Variants in TMEM213 observed in about 807,000 individuals in gnomAD.
TMEM213 encodes transmembrane protein 213.
Under a neutral mutation model 11.6 loss-of-function variants are expected in TMEM213, and 7 were observed. The ratio of observed to expected loss-of-function variants is 0.60; its 90% CI spans 0.34 to 1.13. The LOEUF (loss-of-function observed/expected upper bound fraction) is 1.13, where lower values mean the gene tolerates loss of function less well. Ranked by LOEUF, TMEM213 falls within the 50% of genes most tolerant of loss-of-function variation. The pLI is 0.03. For synonymous variants in TMEM213, 60 were observed against 58.3 expected, an observed-to-expected ratio of 1.03 and a Z score of -0.13; for missense variants, 129 against 139.0, an observed-to-expected ratio of 0.93 and a Z score of 0.36.
rs147124449 is a variant in TMEM213 at position 138,804,636 on chromosome 7, T to G, written c.*1567T>G. 5 of 152,342 alleles carry G rather than the reference T, an allele frequency of 3.3e-5. No homozygotes were observed. Among genetic ancestry groups the G allele is most frequent in the South Asian group, 4.1e-4 (2 of 4,826 alleles). The allele number at this position is 152,342 out of a possible 1,614,324, so 9.4% of individuals were successfully genotyped here. On this transcript the variant is annotated 3_prime_UTR_variant, in exon 3 of 3. Coordinates refer to ENST00000442682, the MANE Select transcript of TMEM213 (RefSeq NM_001085429.2). ...GTGCATGGGTGAATTAATGAATGAATGAACAAATGAGTCTTTGCCCTAGAC... is the reference window on the plus strand; with the variant it reads ...GTGCATGGGTGAATTAATGAATGAAGGAACAAATGAGTCTTTGCCCTAGAC...
chr7:138,799,661 GAAATGAAAGTC>G (rs1469413469), intron 1 of TMEM213: 2 of 152,164 alleles, frequency 1.3e-5, no homozygotes, highest in African/African-American at 4.8e-5. Context: ...GTGTAGAGGT[GAAATGAAAGTC>G]AGGGCCAAGG....
intron 2 of TMEM213, 135 bp from the exon 3 acceptor site, chr7:138,802,765 C>A: frequency 1.2e-6 from 1 of 868,118 alleles, no homozygotes; most frequent in Non-Finnish European, 1.6e-6. Context: ...AAGCACGCAG[C>A]ACAGTGCATG....
rs1454337886 is a variant in TMEM213 at position 138,806,205 on chromosome 7, A to C, written c.*3136A>C. The C allele has an allele frequency of 6.6e-6, 1 of 152,226 alleles. No homozygotes were observed. The highest frequency in any genetic ancestry group is 1.5e-5 in the Non-Finnish European group (1 of 68,054). 9.4% of individuals were successfully genotyped at this position (152,226 alleles called of 1,614,324 possible). On this transcript the variant is annotated 3_prime_UTR_variant, in exon 3 of 3. Transcript: ENST00000442682. ...ACAGCAGACCAGATCTTTATCTGTC[A>C]ATAAGTTAAAAAAGATAATCTGGGC...
In TMEM213 at chr7:138,803,012, C is replaced by G. The variant is rs909060875; in HGVS notation, c.267C>G (p.Leu89=). ...TCTGGTTCCTCACCCTCATCCTGCT[C>G]TGTGTGGACAAACTGATGAAGCTGA... The part of the protein sequence containing the change: ...WSLWFLTLIL[L]CVDKLMKLTP... The change falls in exon 3 of 3, where the codon CTC becomes CTG. Residue 89 remains leucine, a synonymous_variant. Coordinates refer to ENST00000442682, the MANE Select transcript of TMEM213 (RefSeq NM_001085429.2). 4 of 1,613,708 alleles carry G rather than the reference C, an allele frequency of 2.5e-6. No homozygotes were observed. Among genetic ancestry groups the G allele is most frequent in the Non-Finnish European group, 3.4e-6 (4 of 1,179,906 alleles).
intron 1 of TMEM213, among the ~76,000 whole-genome samples, chr7:138,799,151 A>G (rs1244976466): frequency 6.6e-6 from 1 of 152,204 alleles, no homozygotes; most frequent in Non-Finnish European, 1.5e-5. Context: ...CATGGGGACA[A>G]TCATAGTGCT....
rs373500816 is a variant in TMEM213 at position 138,803,082 on chromosome 7, G to A, written c.*13G>A. 27 of 1,610,572 alleles carry A rather than the reference G, an allele frequency of 1.7e-5. No individual in the cohort carries two copies. The highest frequency in any genetic ancestry group is 2.0e-5 in the Non-Finnish European group (24 of 1,179,114). On this transcript the variant is annotated 3_prime_UTR_variant, in exon 3 of 3. Coordinates refer to ENST00000442682, the MANE Select transcript of TMEM213 (RefSeq NM_001085429.2). Reference sequence around the variant, plus strand: ...CTTGCAAGCGTGAGACCCAGGCTCGGTGCACAAAATGGTGATCGCCACCAA... The same window carrying A: ...CTTGCAAGCGTGAGACCCAGGCTCGATGCACAAAATGGTGATCGCCACCAA...
rs374311082 is a variant in TMEM213, at chr7:138,802,322, G to T, written c.155-578G>T. Reference sequence around the variant, plus strand: ...ACCAGCACTTTGGGAGGCCCAGGTGGGTGGATCACTTGAGGCCAGGAGTTC... The same window carrying T: ...ACCAGCACTTTGGGAGGCCCAGGTGTGTGGATCACTTGAGGCCAGGAGTTC... On this transcript the variant is annotated intron_variant, in intron 2 of 2. Coordinates refer to ENST00000442682, the MANE Select transcript of TMEM213 (RefSeq NM_001085429.2). 2.0e-5 allele frequency among the ~76,000 whole-genome samples: 3 copies of T among 152,288 alleles called. No individual in the cohort carries two copies. In the East Asian group the frequency reaches 5.8e-4, roughly 29 times the overall value.
Position 138,804,452 on chromosome 7 carries a change from G to A in TMEM213, c.*1383G>A, listed in dbSNP as rs1308273431. On this transcript the variant is annotated 3_prime_UTR_variant, in exon 3 of 3. Coordinates refer to ENST00000442682, the MANE Select transcript of TMEM213 (RefSeq NM_001085429.2). ...CAAGCCCAGCTCGAATGCTTGATCT[G>A]CCTGGAGCCTTCCTGGTCATCCTTG... 1 of 152,204 alleles carries A rather than the reference G, an allele frequency of 6.6e-6. No homozygotes were observed. The highest frequency in any genetic ancestry group is 1.5e-5 in the Non-Finnish European group (1 of 68,092). The allele number at this position is 152,204 out of a possible 1,614,324, so 9.4% of individuals were successfully genotyped here. A position where few individuals can be genotyped will look rare whatever the true frequency, so the allele number is the denominator to read the frequency against.
rs570029835 is a variant in TMEM213 at position 138,801,406 on chromosome 7, T to G, written c.154+8T>G. 3 of 1,603,278 alleles carry G rather than the reference T, an allele frequency of 1.9e-6. No homozygotes were observed. The Admixed American group carries it at 5.1e-5, about 27-fold the overall frequency. On this transcript the variant is annotated splice_region_variant and intron_variant, in intron 2 of 2. Transcript: ENST00000442682. ...CCCTGGAGCAGTGCCTCAGTAAGCTTCTCCTGCCAACTGCTCTAACCCCAG... is the reference window on the plus strand; with the variant it reads ...CCCTGGAGCAGTGCCTCAGTAAGCTGCTCCTGCCAACTGCTCTAACCCCAG...
Position 138,802,779 on chromosome 7 carries a change from C to T in TMEM213, c.155-121C>T, listed in dbSNP as rs150263986. ...AAAGCACGCAGCACAGTGCATGGCA[C>T]GTAGTAGGCCTCATCAGTGTCAGCT... is the stretch of plus-strand genomic sequence containing the variant. On this transcript the variant is annotated intron_variant, in intron 2 of 2. Coordinates refer to ENST00000442682, the MANE Select transcript of TMEM213 (RefSeq NM_001085429.2). The T allele has an allele frequency of 5.6e-4, 580 of 1,037,672 alleles. 8 individuals are homozygous for T. The East Asian group carries it at 0.015, about 27-fold the overall frequency. The allele number at this position is 1,037,672 out of a possible 1,614,324, so 64.3% of individuals were successfully genotyped here.
In TMEM213 at chr7:138,804,349, CTT is replaced by C. The variant is rs1474658181; in HGVS notation, c.*1281_*1282del. On this transcript the variant is annotated 3_prime_UTR_variant, in exon 3 of 3. Transcript: ENST00000442682. ...ACTGGTCCACTCCTCATCCTGGTGTCTTCAGCTTCTCTGCTGCCATGTTCTTT... is the reference window on the plus strand; with the variant it reads ...ACTGGTCCACTCCTCATCCTGGTGTCCAGCTTCTCTGCTGCCATGTTCTTT... 1 of 152,368 alleles carries C rather than the reference CTT, an allele frequency of 6.6e-6. No individual in the cohort carries two copies. The highest frequency in any genetic ancestry group is 1.5e-5 in the Non-Finnish European group (1 of 68,186). The allele number at this position is 152,368 out of a possible 1,614,324, so 9.4% of individuals were successfully genotyped here.
At chr7:138,800,515 T>C (rs1393134734) in intron 1 of TMEM213, among the ~76,000 whole-genome samples, 1 of 152,108 alleles carries the variant, frequency 6.6e-6, no homozygotes, top group Non-Finnish European at 1.5e-5. Flanking sequence ...GCTTCTATGA[T>C]GTTTAATTTT....
intron 1 of TMEM213, among the ~76,000 whole-genome samples, chr7:138,798,806 G>T (rs3807331): frequency 0.34 from 52,112 of 151,912 alleles, 9,100 homozygotes; most frequent in South Asian, 0.41. Flanking sequence ...TGCCCTGCCA[G>T]GCCGGGTTCT....
At chr7:138,799,072 A>T (rs959705037) in intron 1 of TMEM213, among the ~76,000 whole-genome samples, 6 of 152,112 alleles carry the variant, frequency 3.9e-5, no homozygotes, top group Admixed American at 3.3e-4. Context: ...TCCAGCTTCC[A>T]TGACTCACTA....
intron 1 of TMEM213, among the ~76,000 whole-genome samples, chr7:138,800,435 C>A (rs1808896678): frequency 1.3e-5 from 2 of 152,132 alleles, no homozygotes; most frequent in Non-Finnish European, 2.9e-5. Flanking sequence ...ATGCTAAAGT[C>A]CTTTTTATCT....
At position 138,805,756 on chromosome 7, in the gene TMEM213, CAA is replaced by C. The variant is rs1809089136; in HGVS notation, c.*2690_*2691del. 6.6e-6 allele frequency: 1 copy of C among 152,158 alleles called. No homozygotes were observed. Among genetic ancestry groups the C allele is most frequent in the Non-Finnish European group, 1.5e-5 (1 of 68,038 alleles). 9.4% of individuals were successfully genotyped at this position (152,158 alleles called of 1,614,324 possible). On this transcript the variant is annotated 3_prime_UTR_variant, in exon 3 of 3. Coordinates refer to ENST00000442682, the MANE Select transcript of TMEM213 (RefSeq NM_001085429.2). ...AAATCAGCAGTTTCAAGCTGAGTTGCAAAAGTTCATGGAACCATTTCAGTCGC... is the reference window on the plus strand; with the variant it reads ...AAATCAGCAGTTTCAAGCTGAGTTGCAAGTTCATGGAACCATTTCAGTCGC...
intron 1 of TMEM213, 111 bp from the exon 2 acceptor site, chr7:138,801,216 T>C (rs1808932724): frequency 6.0e-6 from 6 of 999,628 alleles, no homozygotes; most frequent in Admixed American, 2.0e-5. Context: ...TGCGGGAGCT[T>C]CTATAATACT....
intron 1 of TMEM213, among the ~76,000 whole-genome samples, chr7:138,800,285 A>G (rs1286077057): frequency 6.6e-6 from 1 of 152,194 alleles, no homozygotes; most frequent in Non-Finnish European, 1.5e-5. Context: ...AAACAACCAC[A>G]GGTGGCTAGT....
Position 138,798,085 on chromosome 7 carries a change from C to T in TMEM213, c.-20C>T. The T allele has an allele frequency of 6.3e-7, 1 of 1,587,280 alleles. No homozygotes were observed. Among genetic ancestry groups the T allele is most frequent in the African/African-American group, 1.3e-5 (1 of 74,486 alleles). ...GCAGGACCGGCTCACCTGCACCGGG[C>T]ACTCAGCACAGCCTCCAGCATGCAG... is the stretch of plus-strand genomic sequence containing the variant. On this transcript the variant is annotated 5_prime_UTR_variant, in exon 1 of 3. Coordinates refer to ENST00000442682, the MANE Select transcript of TMEM213 (RefSeq NM_001085429.2).
Sources: allele counts gnomAD v4.1 joint callset (sites outside exome capture counted in the v4.1 genomes callset), GRCh38; gene constraint gnomAD v4.1.1; transcripts MANE v1.5; gene names NCBI Gene and HGNC (gene_info 2026-07-23, HGNC 2026-07-21).